CREB5: variants seen among roughly 807,000 people sequenced by gnomAD.
The protein encoded by CREB5 is cyclic AMP-responsive element-binding protein 5.
CREB5 carries 19 observed loss-of-function variants against 57.1 expected under a neutral mutation model. The observed-to-expected ratio is 0.33, with a 90% confidence interval of 0.23 to 0.49. The LOEUF is 0.49. CREB5 is among the 20% of genes least tolerant of loss of function. CREB5 has a pLI of 0.99. For synonymous variants in CREB5, 238 were observed against 238.3 expected, an observed-to-expected ratio of 1.00 and a Z score of 0.01; for missense variants, 579 against 671.6, an observed-to-expected ratio of 0.86 and a Z score of 1.52.
chr7:28,635,725 G>T (rs1798391953), intron 5 of CREB5, among the ~76,000 whole-genome samples: 1 of 152,098 alleles, frequency 6.6e-6, no homozygotes, highest in Non-Finnish European at 1.5e-5. Flanking sequence ...ACCTGTTTCG[G>T]TTCCCCTAGG....
At chr7:28,565,784 G>T (rs1006471578) in intron 4 of CREB5, among the ~76,000 whole-genome samples, 26 of 152,194 alleles carry the variant, frequency 1.7e-4, no homozygotes, top group African/African-American at 5.8e-4. Flanking sequence ...AGCCAGGTGT[G>T]GTGGCACGTG....
At chr7:28,377,793 G>T (rs992465051) in intron 1 of CREB5, among the ~76,000 whole-genome samples, 1 of 151,662 alleles carries the variant, frequency 6.6e-6, no homozygotes, top group African/African-American at 2.4e-5. Flanking sequence ...TTAGCTGGGC[G>T]TGGTGGCGGG....
chr7:28,446,514 C>T (rs181382712), intron 1 of CREB5, among the ~76,000 whole-genome samples: 10 of 152,206 alleles, frequency 6.6e-5, no homozygotes, highest in Non-Finnish European at 8.8e-5. Context: ...ATTGTAGGTC[C>T]GGGCGTGGTG....
At chr7:28,497,436 T>A (rs754970642) in intron 3 of CREB5, among the ~76,000 whole-genome samples, 51 of 152,340 alleles carry the variant, frequency 3.3e-4, no homozygotes, top group Non-Finnish European at 5.4e-4. Context: ...TAATTTTTAT[T>A]ATGTCAAATT....
intron 7 of CREB5, among the ~76,000 whole-genome samples, chr7:28,757,254 TCA>T: frequency 6.6e-6 from 1 of 152,314 alleles, no homozygotes; most frequent in Admixed American, 6.5e-5. Context: ...TTACCCAAAG[TCA>T]CACAGTTAGT....
chr7:28,689,909 G>GGTGTGTGTGTGTGT (rs34310030), intron 5 of CREB5, among the ~76,000 whole-genome samples: 123 of 141,666 alleles, frequency 8.7e-4, no homozygotes, highest in African/African-American at 2.8e-3. Flanking sequence ...ACTTGTATTT[G>GGTGTGTGTGTGTGT]GTGTGTGTGT....
At chr7:28,699,465 G>A (rs1163896015) in intron 5 of CREB5, among the ~76,000 whole-genome samples, 1 of 152,066 alleles carries the variant, frequency 6.6e-6, no homozygotes, top group Non-Finnish European at 1.5e-5. Context: ...TGTGCTCTCT[G>A]GGAACCAAAA....
chr7:28,666,835 G>T (rs150989632), intron 5 of CREB5, among the ~76,000 whole-genome samples: 8 of 152,026 alleles, frequency 5.3e-5, no homozygotes, highest in African/African-American at 1.9e-4. Context: ...TGGAGGCTGA[G>T]GCGGGAGGAT....
chr7:28,711,938 T>C (rs1423004276), intron 5 of CREB5, among the ~76,000 whole-genome samples: 1 of 152,164 alleles, frequency 6.6e-6, no homozygotes, highest in Non-Finnish European at 1.5e-5. Flanking sequence ...ATAATAATAG[T>C]GACAAAAATA....
intron 8 of CREB5, among the ~76,000 whole-genome samples, chr7:28,808,246 T>A (rs1808868795): frequency 6.6e-6 from 1 of 152,218 alleles, no homozygotes; most frequent in Admixed American, 6.5e-5. Flanking sequence ...CAGGCCCGGC[T>A]GGAGTATGCA....
chr7:28,480,714 A>T (rs1791287604), intron 1 of CREB5, among the ~76,000 whole-genome samples: 1 of 152,212 alleles, frequency 6.6e-6, no homozygotes, highest in Non-Finnish European at 1.5e-5. Flanking sequence ...TGTTTTAGAG[A>T]TGTGATGTCT....
At chr7:28,593,436 A>T (rs1005119725) in intron 5 of CREB5, among the ~76,000 whole-genome samples, 2 of 152,010 alleles carry the variant, frequency 1.3e-5, no homozygotes, top group Non-Finnish European at 2.9e-5. Flanking sequence ...TTTAGTGGAG[A>T]TGGGGTTTTA....
At chr7:28,526,264 AG>A (rs1191712970) in intron 4 of CREB5, among the ~76,000 whole-genome samples, 2 of 152,222 alleles carry the variant, frequency 1.3e-5, no homozygotes, top group Non-Finnish European at 2.9e-5. Context: ...GCTTCCCCAA[AG>A]TTTTGCTTTA....
intron 5 of CREB5, among the ~76,000 whole-genome samples, chr7:28,622,242 TTCTC>T (rs746423295): frequency 1.5e-4 from 21 of 139,216 alleles, no homozygotes; most frequent in African/African-American, 2.7e-4. Flanking sequence ...TATACACACA[TTCTC>T]TCTCTCTCTC....
chr7:28,435,945 C>A (rs1788943316), intron 1 of CREB5, among the ~76,000 whole-genome samples: 3 of 152,092 alleles, frequency 2.0e-5, no homozygotes, highest in Non-Finnish European at 4.4e-5. Flanking sequence ...GAGGAAGCGA[C>A]CTGGGTGTAA....
chr7:28,397,274 T>TA (rs1787357090), intron 1 of CREB5, among the ~76,000 whole-genome samples: 1 of 152,328 alleles, frequency 6.6e-6, no homozygotes, highest in East Asian at 1.9e-4. Flanking sequence ...GGTATTCCTC[T>TA]ACAGAAGGCA....
intron 5 of CREB5, among the ~76,000 whole-genome samples, chr7:28,596,279 C>G (rs1017380621): frequency 8.5e-5 from 13 of 152,162 alleles, no homozygotes; most frequent in African/African-American, 3.1e-4. Context: ...CAGAGAAGCT[C>G]TAACTCAAAC....
chr7:28,383,020 T>C (rs1352901651), intron 1 of CREB5, among the ~76,000 whole-genome samples: 1 of 152,086 alleles, frequency 6.6e-6, no homozygotes, highest in Non-Finnish European at 1.5e-5. Context: ...GATTTATACT[T>C]AAAGTTGAAG....
chr7:28,465,760 G>C (rs1471217934), intron 1 of CREB5, among the ~76,000 whole-genome samples: 1 of 152,180 alleles, frequency 6.6e-6, no homozygotes, highest in African/African-American at 2.4e-5. Flanking sequence ...ACTCTACAAA[G>C]GTTAACTAAT....
Sources: gnomAD v4.1 joint callset for allele counts (sites outside exome capture counted in the v4.1 genomes callset) on GRCh38, gnomAD v4.1.1 for gene constraint, MANE v1.5 for transcripts, NCBI Gene and HGNC (gene_info 2026-07-23, HGNC 2026-07-21) for gene names.